The following TAFA3 variants were observed in gnomAD, a reference collection of about 807,000 sequenced individuals.
TAFA3 encodes chemokine-like protein TAFA-3.
In TAFA3, 17 loss-of-function variants were observed where a neutral mutation model predicts 20.7. The observed-to-expected ratio is 0.82, with a 90% CI of 0.56 to 1.23. The LOEUF (loss-of-function observed/expected upper bound fraction) is 1.23. Ranked by LOEUF, TAFA3 falls within the 50% of genes most tolerant of loss-of-function variation. TAFA3 has a pLI of 0.00. For synonymous variants in TAFA3, 74 were observed against 71.8 expected, an observed-to-expected ratio of 1.03 and a Z score of -0.16; for missense variants, 174 against 172.8, an observed-to-expected ratio of 1.01 and a Z score of -0.04.
intron 4 of TAFA3, among the ~76,000 whole-genome samples, chr1:112,723,438 CCT>C (rs1675380842): frequency 6.6e-6 from 1 of 152,134 alleles, no homozygotes; most frequent in East Asian, 1.9e-4. Flanking sequence ...CAGCCCCACT[CCT>C]CTCCCCACAC....
intron 5 of TAFA3, among the ~76,000 whole-genome samples, chr1:112,725,306 A>G (rs150776271): frequency 7.2e-5 from 11 of 152,014 alleles, no homozygotes; most frequent in African/African-American, 2.7e-4. Flanking sequence ...AATGAGATCA[A>G]TGGCACTCCA....
intron 4 of TAFA3, 137 bp downstream of exon 4, chr1:112,723,302 C>T: frequency 8.4e-7 from 1 of 1,192,222 alleles, no homozygotes; most frequent in Non-Finnish European, 1.1e-6. Context: ...GGTGGGGCCC[C>T]CTCTGGGAGA....
rs1329148078 is a variant in TAFA3, at chr1:112,727,180, G to A, written c.*540G>A. On this transcript the variant is annotated 3_prime_UTR_variant, in exon 6 of 6. Coordinates refer to ENST00000361886, the MANE Select transcript of TAFA3 (RefSeq NM_182759.3). ...CAGACCAGCAGTATCTCATTTGGAT[G>A]GGATTGGATTGACTTGCGGAAGGAA... 2 of 155,202 alleles carry A rather than the reference G, an allele frequency of 1.3e-5. No individual in the cohort carries two copies. The highest frequency in any genetic ancestry group is 4.8e-5 in the African/African-American group (2 of 41,504). 9.6% of individuals were successfully genotyped at this position (155,202 alleles called of 1,614,324 possible).
intron 3 of TAFA3, 141 bp downstream of exon 3, chr1:112,722,489 C>T: frequency 1.4e-6 from 1 of 695,558 alleles, no homozygotes; most frequent in East Asian, 2.7e-5. Flanking sequence ...GGCTCCTCCT[C>T]TGCTCTTTAC....
rs200346102 is a variant in TAFA3 at position 112,722,372 on chromosome 1, G to A, written c.115+24G>A. The A allele has an allele frequency of 9.9e-4, 1,589 of 1,599,340 alleles. 12 individuals carry two copies. In the African/African-American group the frequency reaches 0.018, roughly 18 times the overall value. On this transcript the variant is annotated intron_variant, in intron 3 of 5. Coordinates refer to ENST00000361886, the MANE Select transcript of TAFA3 (RefSeq NM_182759.3). Reference sequence around the variant, plus strand: ...AGGTTTGGAGGAGGTGGCAGGGCCCGGGGAGGGAGTTTCCCAGGACACCTG... The same window carrying A: ...AGGTTTGGAGGAGGTGGCAGGGCCCAGGGAGGGAGTTTCCCAGGACACCTG...
In TAFA3 at chr1:112,726,902, T is replaced by C. The variant is rs1026034061; in HGVS notation, c.*262T>C. 4.5e-5 allele frequency: 24 copies of C among 536,772 alleles called. No individual in the cohort carries two copies. The highest frequency in any genetic ancestry group is 4.4e-4 in the African/African-American group (23 of 52,136). 33.3% of individuals were successfully genotyped at this position (536,772 alleles called of 1,614,324 possible). ...TGCCCTTAAGGAATGTCCAGTTGAA[T>C]TGGAGAGTTGATGACAGACAATTTA... On this transcript the variant is annotated 3_prime_UTR_variant, in exon 6 of 6. Transcript: ENST00000361886.
chr1:112,723,231 C>CCTTATG, intron 4 of TAFA3, 66 bp downstream of exon 4: 2 of 1,536,090 alleles, frequency 1.3e-6, no homozygotes, highest in Non-Finnish European at 1.8e-6. Context: ...GTTCAGGCCT[C>CCTTATG]GCCATCTGCT....
intron 2 of TAFA3, among the ~76,000 whole-genome samples, chr1:112,721,498 G>A (rs543757385): frequency 1.3e-5 from 2 of 152,190 alleles, no homozygotes; most frequent in South Asian, 4.1e-4. Context: ...ATTTTTTGTA[G>A]AGATGGGGTC....
intron 5 of TAFA3, among the ~76,000 whole-genome samples, chr1:112,724,931 G>T (rs1476045760): frequency 6.7e-6 from 1 of 150,216 alleles, no homozygotes; most frequent in Non-Finnish European, 1.5e-5. Context: ...AAAGACACAT[G>T]CACTTGTATG....
chr1:112,726,872 A>G lies in TAFA3; in HGVS notation c.*232A>G. 2 of 576,512 alleles carry G rather than the reference A, an allele frequency of 3.5e-6. No individual in the cohort carries two copies. The highest frequency in any genetic ancestry group is 4.5e-5 in the South Asian group (2 of 44,250). 35.7% of individuals were successfully genotyped at this position (576,512 alleles called of 1,614,324 possible). On this transcript the variant is annotated 3_prime_UTR_variant, in exon 6 of 6. Transcript: ENST00000361886. ...CTGGAGACACGAAGGTCAACACACA[A>G]TTCCTGCCCTTAAGGAATGTCCAGT... is the stretch of plus-strand genomic sequence containing the variant.
At position 112,726,743 on chromosome 1, in the gene TAFA3, C is replaced by T. The variant is rs992676106; in HGVS notation, c.*103C>T. ...GAAAGATGGGGATTCACTTACATGCCTCATGTCAAATGCAGCATCAGTCTT... is the reference window on the plus strand; with the variant it reads ...GAAAGATGGGGATTCACTTACATGCTTCATGTCAAATGCAGCATCAGTCTT... On this transcript the variant is annotated 3_prime_UTR_variant, in exon 6 of 6. Coordinates refer to ENST00000361886, the MANE Select transcript of TAFA3 (RefSeq NM_182759.3). 1.4e-5 allele frequency: 22 copies of T among 1,559,616 alleles called. No individual in the cohort carries two copies. In the South Asian group the frequency reaches 1.8e-4, roughly 13 times the overall value.
At chr1:112,722,123 G>A in intron 2 of TAFA3, 110 bp from the exon 3 acceptor site, 1 of 1,093,026 alleles carries the variant, frequency 9.1e-7, no homozygotes, top group Non-Finnish European at 1.4e-6. Context: ...GACAAGGTGT[G>A]CCTCCTCCCC....
intron 3 of TAFA3, 126 bp from the exon 4 acceptor site, chr1:112,722,890 T>A: frequency 8.2e-7 from 1 of 1,215,550 alleles, no homozygotes; most frequent in Non-Finnish European, 1.1e-6. Flanking sequence ...CCTCCTCCCC[T>A]GCCACTGGCA....
rs1208687566 is a variant in TAFA3 at position 112,726,643 on chromosome 1, C to T, written c.*3C>T. On this transcript the variant is annotated 3_prime_UTR_variant, in exon 6 of 6. Coordinates refer to ENST00000361886, the MANE Select transcript of TAFA3 (RefSeq NM_182759.3). ...TTCTTCACCAGGTCACACGATAGCT[C>T]TTGGGGGTCACGGCCTGGACAAGAA... 3 of 1,613,924 alleles carry T rather than the reference C, an allele frequency of 1.9e-6. No homozygotes were observed. The Admixed American group carries it at 5.0e-5, about 27-fold the overall frequency.
intron 5 of TAFA3, among the ~76,000 whole-genome samples, chr1:112,725,165 G>A (rs764676593): frequency 5.3e-5 from 8 of 152,132 alleles, no homozygotes; most frequent in Non-Finnish European, 1.0e-4. Flanking sequence ...TCACTTCTGA[G>A]AGCTAAACAT....
chr1:112,726,220 C>T (rs1175058618), intron 5 of TAFA3, among the ~76,000 whole-genome samples: 1 of 152,128 alleles, frequency 6.6e-6, no homozygotes, highest in Non-Finnish European at 1.5e-5. Flanking sequence ...ACAGAGCACA[C>T]AACAAAAGGA....
At chr1:112,726,067 G>T (rs905249768) in intron 5 of TAFA3, among the ~76,000 whole-genome samples, 4 of 152,146 alleles carry the variant, frequency 2.6e-5, no homozygotes, top group Non-Finnish European at 5.9e-5. Flanking sequence ...AACCTAGGAG[G>T]CAGAAGTTGC....
Position 112,726,785 on chromosome 1 carries a change from T to A in TAFA3, c.*145T>A. 1 of 1,294,612 alleles carries A rather than the reference T, an allele frequency of 7.7e-7. No homozygotes were observed. 80.2% of individuals were successfully genotyped at this position (1,294,612 alleles called of 1,614,324 possible). A position where few individuals can be genotyped will look rare whatever the true frequency, so the allele number is the denominator to read the frequency against. ...ATCAGTCTTTCCGGGGCATTTCAGT[T>A]AAGCTGCTCAGCAGATATGGATGGA... On this transcript the variant is annotated 3_prime_UTR_variant, in exon 6 of 6. Transcript: ENST00000361886.
chr1:112,725,792 T>C (rs988356805), intron 5 of TAFA3, among the ~76,000 whole-genome samples: 2 of 152,176 alleles, frequency 1.3e-5, no homozygotes, highest in Non-Finnish European at 2.9e-5. Context: ...GGTTCTGCCT[T>C]TGGCTTTCCT....
Sources: allele counts gnomAD v4.1 joint callset (sites outside exome capture counted in the v4.1 genomes callset), GRCh38; gene constraint gnomAD v4.1.1; transcripts MANE v1.5; gene names NCBI Gene and HGNC (gene_info 2026-07-23, HGNC 2026-07-21).